Variants in CNTNAP2 observed in about 807,000 individuals in gnomAD.
The protein encoded by CNTNAP2 is contactin-associated protein-like 2.
A neutral mutation model predicts 155.2 loss-of-function variants in CNTNAP2; 98 were observed. The ratio of observed to expected loss-of-function variants is 0.63; its 90% CI spans 0.54 to 0.75. CNTNAP2 has a LOEUF of 0.75. Ranked by LOEUF, CNTNAP2 falls within the 30% of genes least tolerant of loss-of-function variation. The pLI is 0.00. For missense variants in CNTNAP2, 1,727 were observed against 1,688.1 expected (o/e 1.02, Z -0.40); for synonymous variants, 651 against 631.2 (o/e 1.03, Z -0.47).
chr7:146,695,285 T>G (rs1428744720), intron 1 of CNTNAP2, among the ~76,000 whole-genome samples: 1 of 152,160 alleles, frequency 6.6e-6, no homozygotes, highest in Non-Finnish European at 1.5e-5. Flanking sequence ...TTGTTCAGAG[T>G]TTTTATGAGA....
chr7:147,701,130 A>C (rs1796230862), intron 13 of CNTNAP2, among the ~76,000 whole-genome samples: 1 of 152,166 alleles, frequency 6.6e-6, no homozygotes, highest in Non-Finnish European at 1.5e-5. Context: ...GCATTTTGCT[A>C]GTGAGGTCTT....
At chr7:147,760,156 C>G (rs2116517191) in intron 13 of CNTNAP2, among the ~76,000 whole-genome samples, 1 of 152,106 alleles carries the variant, frequency 6.6e-6, no homozygotes, top group Non-Finnish European at 1.5e-5. Context: ...GTGCCCCTCT[C>G]CATATGATGA....
intron 4 of CNTNAP2, among the ~76,000 whole-genome samples, chr7:147,071,135 C>G (rs1424708890): frequency 6.6e-6 from 1 of 152,130 alleles, no homozygotes; most frequent in Non-Finnish European, 1.5e-5. Context: ...TTCAACCCAG[C>G]CTTCTGACTG....
At chr7:147,563,771 T>C (rs934904610) in intron 12 of CNTNAP2, among the ~76,000 whole-genome samples, 4 of 152,220 alleles carry the variant, frequency 2.6e-5, no homozygotes, top group Non-Finnish European at 5.9e-5. Flanking sequence ...TTTTGTTTTC[T>C]ATACAAACTT....
At chr7:147,597,666 C>T (rs556143348) in intron 12 of CNTNAP2, among the ~76,000 whole-genome samples, 1 of 152,172 alleles carries the variant, frequency 6.6e-6, no homozygotes, top group Non-Finnish European at 1.5e-5. Flanking sequence ...CTACCTCAAG[C>T]TCATCTCAGA....
intron 12 of CNTNAP2, among the ~76,000 whole-genome samples, chr7:147,633,908 C>G (rs1297699478): frequency 1.3e-5 from 2 of 152,096 alleles, no homozygotes; most frequent in Non-Finnish European, 2.9e-5. Flanking sequence ...TGGACTAATA[C>G]ATTACCTTAT....
chr7:146,397,869 G>A (rs1344519759), intron 1 of CNTNAP2, among the ~76,000 whole-genome samples: 1 of 127,372 alleles, frequency 7.9e-6, no homozygotes, highest in Non-Finnish European at 1.6e-5. Flanking sequence ...AAATTTGACA[G>A]GCTTTTATTT....
chr7:148,401,696 T>C (rs1799586838), intron 22 of CNTNAP2, among the ~76,000 whole-genome samples: 1 of 152,168 alleles, frequency 6.6e-6, no homozygotes, highest in Admixed American at 6.5e-5. Context: ...CTTCCCGGGT[T>C]CATGCTATTC....
chr7:147,396,764 T>C (rs1796823552), intron 10 of CNTNAP2, among the ~76,000 whole-genome samples: 1 of 152,030 alleles, frequency 6.6e-6, no homozygotes, highest in African/African-American at 2.4e-5. Context: ...TTTTCTAAGA[T>C]ATATTGAAGT....
rs3083770 is a variant in CNTNAP2, at chr7:147,081,417, C to CTTTTTTTTTTTTTTT, written c.551-26728_551-26714dup. ...CTCATCACTTAAAAACTAAGAGATT[C>CTTTTTTTTTTTTTTT]TTTTTTTTTTTTTTTTCTGAGACAG... On this transcript the variant is annotated intron_variant, in intron 4 of 23. Coordinates refer to ENST00000361727, the MANE Select transcript of CNTNAP2 (RefSeq NM_014141.6). The CTTTTTTTTTTTTTTT allele has an allele frequency of 1.4e-5, 2 of 140,248 alleles. 1 individual carries two copies. The allele number at this position is 140,248 out of a possible 1,614,324, so 8.7% of individuals were successfully genotyped here.
At chr7:146,727,722 C>T (rs1210786263) in intron 1 of CNTNAP2, among the ~76,000 whole-genome samples, 1 of 152,072 alleles carries the variant, frequency 6.6e-6, no homozygotes, top group Non-Finnish European at 1.5e-5. Flanking sequence ...CAAGCTCTAC[C>T]CAGTAATATT....
intron 8 of CNTNAP2, among the ~76,000 whole-genome samples, chr7:147,264,218 T>C (rs1804556709): frequency 6.6e-6 from 1 of 152,228 alleles, no homozygotes; most frequent in African/African-American, 2.4e-5. Flanking sequence ...GAGCCTGAAA[T>C]CAACTCTTGG....
In CNTNAP2 at chr7:147,603,526, A is replaced by T. The variant is rs555823984; in HGVS notation, c.1898-35580A>T. ...ATCCAACTTACAAGGGAAGTGAAGG[A>T]CCTCTTCAAGGAGAACTACAAACCA... On this transcript the variant is annotated intron_variant, in intron 12 of 23. Transcript: ENST00000361727. 6.6e-5 allele frequency among the ~76,000 whole-genome samples: 10 copies of T among 152,280 alleles called. No individual in the cohort carries two copies. The South Asian group carries it at 2.1e-3, about 32-fold the overall frequency.
intron 13 of CNTNAP2, among the ~76,000 whole-genome samples, chr7:147,743,981 C>T (rs1056677988): frequency 6.6e-6 from 1 of 152,200 alleles, no homozygotes; most frequent in Non-Finnish European, 1.5e-5. Flanking sequence ...ATCTCTCCAA[C>T]TGTCATTCTC....
At chr7:148,159,632 C>T (rs1805478178) in intron 17 of CNTNAP2, among the ~76,000 whole-genome samples, 1 of 152,144 alleles carries the variant, frequency 6.6e-6, no homozygotes, top group South Asian at 2.1e-4. Flanking sequence ...TCTCTGCCAC[C>T]TGTGTGAGGA....
chr7:147,587,323 C>T (rs1800649333), intron 12 of CNTNAP2, among the ~76,000 whole-genome samples: 1 of 152,160 alleles, frequency 6.6e-6, no homozygotes, highest in Non-Finnish European at 1.5e-5. Flanking sequence ...TTATTTATGT[C>T]AGAGAAATGT....
intron 1 of CNTNAP2, among the ~76,000 whole-genome samples, chr7:146,276,668 G>GAGCT (rs1317788635): frequency 2.0e-5 from 3 of 152,142 alleles, no homozygotes; most frequent in African/African-American, 7.2e-5. Flanking sequence ...CACCATGAAA[G>GAGCT]AGCTGAGCCT....
intron 1 of CNTNAP2, among the ~76,000 whole-genome samples, chr7:146,522,108 C>G (rs1797624779): frequency 6.6e-6 from 1 of 151,996 alleles, no homozygotes; most frequent in Admixed American, 6.6e-5. Flanking sequence ...TCTCACCATA[C>G]TTTAAAGATC....
At chr7:146,781,339 T>G (rs1039184888) in intron 2 of CNTNAP2, among the ~76,000 whole-genome samples, 27 of 143,716 alleles carry the variant, frequency 1.9e-4, no homozygotes, top group Non-Finnish European at 3.4e-4. Context: ...GCCCATGTAT[T>G]CCAGAACTTA....
Sources: gnomAD v4.1 joint callset for allele counts (sites outside exome capture counted in the v4.1 genomes callset) on GRCh38, gnomAD v4.1.1 for gene constraint, MANE v1.5 for transcripts, NCBI Gene and HGNC (gene_info 2026-07-23, HGNC 2026-07-21) for gene names.